The following TAF1B variants were observed in gnomAD, a reference collection of about 807,000 sequenced individuals.
TAF1B encodes the protein TATA-box binding protein associated factor, RNA polymerase I subunit B.
A neutral mutation model predicts 83.9 loss-of-function variants in TAF1B; 61 were observed. The ratio of observed to expected loss-of-function variants is 0.73; its 90% CI spans 0.59 to 0.90. TAF1B has a LOEUF of 0.90. Ranked by LOEUF, TAF1B falls within the 40% of genes least tolerant of loss-of-function variation. TAF1B has a pLI of 0.00. For synonymous variants in TAF1B, 221 were observed against 224.6 expected (o/e 0.98, Z 0.14); for missense variants, 625 against 677.0 (o/e 0.92, Z 0.85).
chr2:9,848,774 G>A (rs1473962), intron 2 of TAF1B, among the ~76,000 whole-genome samples: 36,764 of 151,972 alleles, frequency 0.24, 5,015 homozygotes, highest in East Asian at 0.31. Flanking sequence ...TTTAGTTGTG[G>A]GAGAGCCAGA....
chr2:9,862,404 AAAAG>A (rs967329760), intron 5 of TAF1B, among the ~76,000 whole-genome samples: 1 of 152,184 alleles, frequency 6.6e-6, no homozygotes, highest in Admixed American at 6.5e-5. Flanking sequence ...AAAAAAGAAT[AAAAG>A]AAACGAACAA....
intron 8 of TAF1B, 113 bp downstream of exon 8, chr2:9,882,918 G>A (rs1406455537): frequency 1.5e-6 from 1 of 659,798 alleles, no homozygotes; most frequent in Non-Finnish European, 2.5e-6. Context: ...ATCCCAATAT[G>A]GAACATCAGT....
intron 5 of TAF1B, among the ~76,000 whole-genome samples, chr2:9,864,481 T>C (rs1035452602): frequency 1.3e-5 from 2 of 152,074 alleles, no homozygotes; most frequent in Non-Finnish European, 2.9e-5. Flanking sequence ...CAGGACCAGA[T>C]GGATTCACAG....
chr2:9,917,035 G>A (rs950572353), intron 12 of TAF1B, among the ~76,000 whole-genome samples: 11 of 151,704 alleles, frequency 7.3e-5, no homozygotes, highest in African/African-American at 2.2e-4. Context: ...CTAAAGAGAC[G>A]GGGTTTCTCC....
chr2:9,932,091 T>A (rs1666232886), intron 14 of TAF1B, among the ~76,000 whole-genome samples: 1 of 152,214 alleles, frequency 6.6e-6, no homozygotes, highest in Non-Finnish European at 1.5e-5. Flanking sequence ...GGTTTTTAGC[T>A]TCCTTGCGAT....
intron 5 of TAF1B, among the ~76,000 whole-genome samples, chr2:9,860,847 A>T (rs1663729181): frequency 6.6e-6 from 1 of 152,210 alleles, no homozygotes; most frequent in Non-Finnish European, 1.5e-5. Flanking sequence ...GTAGACTGAG[A>T]GGAGAGAAAT....
At chr2:9,845,120 T>C (rs1490629708) in intron 1 of TAF1B, 100 bp from the exon 2 acceptor site, 2 of 732,422 alleles carry the variant, frequency 2.7e-6, no homozygotes, top group South Asian at 2.1e-5. Flanking sequence ...TTTTTATTAA[T>C]AAAGTTGCCA....
At chr2:9,859,621 C>T (rs2125140179) in intron 5 of TAF1B, among the ~76,000 whole-genome samples, 2 of 152,232 alleles carry the variant, frequency 1.3e-5, no homozygotes, top group South Asian at 4.1e-4. Context: ...CTCCTGACCA[C>T]AGGTCAGGCC....
intron 14 of TAF1B, among the ~76,000 whole-genome samples, chr2:9,928,150 G>T (rs967295673): frequency 2.6e-5 from 4 of 152,130 alleles, no homozygotes; most frequent in African/African-American, 9.7e-5. Context: ...TTTTTGTCAG[G>T]TTTGTCAAAG....
Position 9,910,840 on chromosome 2 carries a change from T to C in TAF1B, c.1060T>C (p.Tyr354His). 1 of 1,613,760 alleles carries C rather than the reference T, an allele frequency of 6.2e-7. No homozygotes were observed. The highest frequency in any genetic ancestry group is 1.1e-5 in the South Asian group (1 of 91,018). The change falls in exon 10 of 15, where the codon TAC (tyrosine) becomes CAC (histidine). Residue 354 changes from tyrosine (Y) to histidine (H), a missense_variant. Tyr to His is a moderately conservative substitution (Grantham distance 83). Coordinates refer to ENST00000263663, the MANE Select transcript of TAF1B (RefSeq NM_005680.3). ...AGCTAAAATGGCAAAAACTGTTAAG[T>C]ACGATGTACAAGCTGTAGCTATCAT... is the stretch of plus-strand genomic sequence containing the variant. ...PIAKMAKTVKYDVQAVAIIVV... is the reference protein window; with the variant it reads ...PIAKMAKTVKHDVQAVAIIVV...
intron 13 of TAF1B, 105 bp from the exon 14 acceptor site, chr2:9,919,493 A>G: frequency 9.6e-7 from 1 of 1,038,956 alleles, no homozygotes; most frequent in East Asian, 2.4e-5. Flanking sequence ...ACATCTGCGA[A>G]AACTAAGGAA....
chr2:9,928,837 T>A (rs1188184513), intron 14 of TAF1B, among the ~76,000 whole-genome samples: 1 of 152,230 alleles, frequency 6.6e-6, no homozygotes, highest in Non-Finnish European at 1.5e-5. Context: ...TTCTCCTAAT[T>A]GAATACCTTT....
In TAF1B at chr2:9,905,435, T is replaced by C. The variant is rs79521717; in HGVS notation, c.955+429T>C. 6.7e-3 allele frequency among the ~76,000 whole-genome samples: 1,014 copies of C among 152,308 alleles called. 17 individuals carry two copies. The highest frequency in any genetic ancestry group is 0.022 in the African/African-American group (934 of 41,572). On this transcript the variant is annotated intron_variant, in intron 9 of 14. Coordinates refer to ENST00000263663, the MANE Select transcript of TAF1B (RefSeq NM_005680.3). ...TCCTAGAAGCTAATCTGTGGTAACA[T>C]TTTTGTTGCTTGGTAATATATCCAG...
intron 6 of TAF1B, among the ~76,000 whole-genome samples, chr2:9,874,429 A>G (rs780380954): frequency 1.3e-5 from 2 of 151,656 alleles, no homozygotes; most frequent in African/African-American, 2.4e-5. Flanking sequence ...TAGCATCACT[A>G]TCTGTCAAAT....
intron 8 of TAF1B, among the ~76,000 whole-genome samples, chr2:9,902,360 C>A (rs947070577): frequency 1.3e-5 from 2 of 151,970 alleles, no homozygotes; most frequent in African/African-American, 4.8e-5. Flanking sequence ...CATGGAGAAG[C>A]GTTACCAGCA....
chr2:9,904,988 A>G lies in TAF1B; in HGVS notation c.937A>G (p.Met313Val). 1 of 1,612,358 alleles carries G rather than the reference A, an allele frequency of 6.2e-7. No individual in the cohort carries two copies. The highest frequency in any genetic ancestry group is 8.5e-7 in the Non-Finnish European group (1 of 1,178,590). The change falls in exon 9 of 15, where the codon ATG becomes GTG. Residue 313 changes from methionine (M) to valine (V), a missense_variant. Physicochemically the swap from Met to Val is conservative, Grantham distance 21. Coordinates refer to ENST00000263663, the MANE Select transcript of TAF1B (RefSeq NM_005680.3). ...CAACATACTGTGTATGAAATACTTG[A>G]TGGAAGTCAACCTCCCTGGTAAGTG... is the stretch of plus-strand genomic sequence containing the variant. ...HPNILCMKYL[M>V]EVNLPDEMHS...
intron 14 of TAF1B, among the ~76,000 whole-genome samples, chr2:9,921,196 A>G (rs1348473245): frequency 1.3e-5 from 2 of 152,166 alleles, no homozygotes; most frequent in African/African-American, 4.8e-5. Context: ...GGCTCAAGCA[A>G]TCCTCCCACC....
intron 4 of TAF1B, among the ~76,000 whole-genome samples, chr2:9,852,922 C>A (rs1423806874): frequency 6.6e-6 from 1 of 152,172 alleles, no homozygotes; most frequent in African/African-American, 2.4e-5. Flanking sequence ...ACAGAACAAC[C>A]ACGATTTCAG....
chr2:9,899,601 C>T (rs1665120856), intron 8 of TAF1B, among the ~76,000 whole-genome samples: 1 of 152,108 alleles, frequency 6.6e-6, no homozygotes, highest in Non-Finnish European at 1.5e-5. Flanking sequence ...TCCAGAAGTG[C>T]AATTAGTGGA....
Sources: allele counts gnomAD v4.1 joint callset (sites outside exome capture counted in the v4.1 genomes callset), GRCh38; gene constraint gnomAD v4.1.1; transcripts MANE v1.5; gene names NCBI Gene and HGNC (gene_info 2026-07-23, HGNC 2026-07-21).